The following SYT10 variants were observed in gnomAD, a reference collection of about 807,000 sequenced individuals.
SYT10 encodes synaptotagmin-10.
A neutral mutation model predicts 51.1 loss-of-function variants in SYT10; 31 were observed. The observed-to-expected ratio is 0.61, with a 90% confidence interval of 0.46 to 0.82. The LOEUF (loss-of-function observed/expected upper bound fraction) is 0.82, where lower values mean the gene tolerates loss of function less well. Among genes scored for constraint, SYT10 ranks in the 40% least tolerant of loss-of-function variants. SYT10 has a pLI of 0.00. For missense variants in SYT10, 603 were observed against 634.0 expected (o/e 0.95, Z 0.53); for synonymous variants, 233 against 225.9 (o/e 1.03, Z -0.28).
At chr12:33,403,318 C>T (rs961795905) in intron 3 of SYT10, among the ~76,000 whole-genome samples, 4 of 151,398 alleles carry the variant, frequency 2.6e-5, no homozygotes, top group Non-Finnish European at 5.9e-5. Flanking sequence ...CTGTAGCCTC[C>T]ACCTCCTAGT....
rs765649332 is a variant in SYT10 at position 33,407,299 on chromosome 12, A to G, written c.567T>C (p.Phe189=). Reference sequence around the variant, plus strand: ...GTAAAACAGGTTCTGTGCCCATGCTAAAATCAACACTGGAAACCTGCATTT... The same window carrying G: ...GTAAAACAGGTTCTGTGCCCATGCTGAAATCAACACTGGAAACCTGCATTT... The part of the protein sequence containing the change: ...PRQMQVSSVD[F]SMGTEPVLQR... The change falls in exon 3 of 7, where the codon TTT becomes TTC. Residue 189 remains phenylalanine, a synonymous_variant. Transcript: ENST00000228567. 55 of 1,611,526 alleles carry G rather than the reference A, an allele frequency of 3.4e-5. No individual in the cohort carries two copies. In the South Asian group the frequency reaches 4.4e-4, roughly 13 times the overall value.
rs1239167546 is a variant in SYT10, at chr12:33,430,031, T to C, written c.152-3536A>G. ...ACTGTCTCCGGATAATTAAAAAGAA[T>C]CCATTACATAGCATTCATCCTATCA... On this transcript the variant is annotated intron_variant, in intron 1 of 6. Transcript: ENST00000228567. Among the ~76,000 whole-genome samples the C allele has an allele frequency of 4.6e-5, 7 of 152,276 alleles. No homozygotes were observed. In the East Asian group the frequency reaches 9.7e-4, roughly 21 times the overall value.
chr12:33,420,496 A>T (rs1205701561), intron 2 of SYT10, among the ~76,000 whole-genome samples: 3 of 152,138 alleles, frequency 2.0e-5, no homozygotes, highest in South Asian at 2.1e-4. Context: ...AAAAAAATAA[A>T]AAATAATTAG....
At chr12:33,386,207 G>A (rs1168988261) in intron 3 of SYT10, among the ~76,000 whole-genome samples, 1 of 151,910 alleles carries the variant, frequency 6.6e-6, no homozygotes, top group African/African-American at 2.4e-5. Context: ...TTTTAGTTTC[G>A]ACTGTTGGCC....
At chr12:33,393,402 T>C (rs1242521932) in intron 3 of SYT10, among the ~76,000 whole-genome samples, 1 of 152,216 alleles carries the variant, frequency 6.6e-6, no homozygotes, top group Non-Finnish European at 1.5e-5. Context: ...ACCTGTGTAA[T>C]AAACTATATA....
chr12:33,406,948 A>G lies in SYT10; in HGVS notation c.918T>C (p.Tyr306=), dbSNP rs1429541511. The G allele has an allele frequency of 1.2e-6, 2 of 1,614,132 alleles. No individual in the cohort carries two copies. Among genetic ancestry groups the G allele is most frequent in the Non-Finnish European group, 1.7e-6 (2 of 1,180,016 alleles). Residue 306 remains tyrosine (Y), a synonymous_variant, in exon 3 of 7, where the codon TAT becomes TAC. Coordinates refer to ENST00000228567, the MANE Select transcript of SYT10 (RefSeq NM_198992.4). ...GTAGTTTTCGGTTGCTTAGTTGATC[A>G]TATGCTACAGGAAATTGAAAAGTTT... The part of the protein sequence containing the change: ...FDETFQFPVA[Y]DQLSNRKLHF...
chr12:33,439,652 T>C lies in SYT10; in HGVS notation c.-130A>G. 1 of 1,186,234 alleles carries C rather than the reference T, an allele frequency of 8.4e-7. No individual in the cohort carries two copies. The highest frequency in any genetic ancestry group is 1.2e-6 in the Non-Finnish European group (1 of 856,186). 73.5% of individuals were successfully genotyped at this position (1,186,234 alleles called of 1,614,324 possible). A position where few individuals can be genotyped will look rare whatever the true frequency, so the allele number is the denominator to read the frequency against. ...TGACTTTGGCTGGAGATTGCGCCGC[T>C]GAGAGCCGGCAACTCTTAGGAGCCC... On this transcript the variant is annotated 5_prime_UTR_variant, in exon 1 of 7. Coordinates refer to ENST00000228567, the MANE Select transcript of SYT10 (RefSeq NM_198992.4).
intron 4 of SYT10, among the ~76,000 whole-genome samples, chr12:33,382,910 T>A (rs1427752528): frequency 2.0e-5 from 3 of 152,212 alleles, no homozygotes; most frequent in Non-Finnish European, 4.4e-5. Context: ...ACAAGTGATT[T>A]ATTGCATGCA....
intron 3 of SYT10, among the ~76,000 whole-genome samples, chr12:33,391,701 C>G (rs1352993460): frequency 6.6e-6 from 1 of 152,166 alleles, no homozygotes; most frequent in East Asian, 1.9e-4. Flanking sequence ...CAATATATGT[C>G]AGAGTGCAGT....
intron 1 of SYT10, chr12:33,432,563 C>T (rs1176917703): frequency 6.6e-6 from 1 of 152,026 alleles, no homozygotes; most frequent in African/African-American, 2.4e-5. Context: ...ACATTAACAG[C>T]TTATATTGTA....
intron 3 of SYT10, among the ~76,000 whole-genome samples, chr12:33,398,938 T>C (rs774418363): frequency 1.3e-5 from 2 of 152,156 alleles, no homozygotes; most frequent in Non-Finnish European, 2.9e-5. Flanking sequence ...TATAAAGAAA[T>C]GTGGGTTTGT....
chr12:33,412,177 C>G (rs1459124043), intron 2 of SYT10, among the ~76,000 whole-genome samples: 23 of 151,920 alleles, frequency 1.5e-4, no homozygotes, highest in Admixed American at 1.5e-3. Context: ...ATCCTCTGTG[C>G]CAAAATTAGT....
At chr12:33,389,620 T>C (rs1866187131) in intron 3 of SYT10, among the ~76,000 whole-genome samples, 1 of 152,020 alleles carries the variant, frequency 6.6e-6, no homozygotes, top group Non-Finnish European at 1.5e-5. Context: ...TATTAGGAAG[T>C]AAGAATCATT....
At chr12:33,418,225 T>C (rs1183566384) in intron 2 of SYT10, among the ~76,000 whole-genome samples, 1 of 152,144 alleles carries the variant, frequency 6.6e-6, no homozygotes, top group Non-Finnish European at 1.5e-5. Flanking sequence ...TACTCTCTCC[T>C]GGGAGCTTAC....
Position 33,376,726 on chromosome 12 carries a change from G to T in SYT10, c.*104C>A. 7.6e-7 allele frequency: 1 copy of T among 1,311,924 alleles called. No individual in the cohort carries two copies. Among genetic ancestry groups the T allele is most frequent in the Non-Finnish European group, 1.1e-6 (1 of 926,536 alleles). The allele number at this position is 1,311,924 out of a possible 1,614,324, so 81.3% of individuals were successfully genotyped here. A position where few individuals can be genotyped will look rare whatever the true frequency, so the allele number is the denominator to read the frequency against. On this transcript the variant is annotated 3_prime_UTR_variant, in exon 7 of 7. Coordinates refer to ENST00000228567, the MANE Select transcript of SYT10 (RefSeq NM_198992.4). ...AAGTGCACATCAAGTTTGTTCATTA[G>T]TACGGATATATTTCAAATGAGGAAA... is the stretch of plus-strand genomic sequence containing the variant.
intron 6 of SYT10, among the ~76,000 whole-genome samples, chr12:33,379,388 A>C (rs963930485): frequency 2.6e-5 from 4 of 152,006 alleles, no homozygotes; most frequent in Non-Finnish European, 5.9e-5. Context: ...CCTTACGCAG[A>C]AAAGTTATAT....
chr12:33,435,682 C>T (rs1322764946), intron 1 of SYT10, among the ~76,000 whole-genome samples: 1 of 152,116 alleles, frequency 6.6e-6, no homozygotes, highest in Non-Finnish European at 1.5e-5. Context: ...AATGATAACT[C>T]AATTAATTGG....
chr12:33,409,288 C>A (rs1371733299), intron 2 of SYT10, among the ~76,000 whole-genome samples: 1 of 151,894 alleles, frequency 6.6e-6, no homozygotes. Flanking sequence ...ACAATCTTGG[C>A]TTACTGCAAC....
At chr12:33,387,255 T>C (rs891850027) in intron 3 of SYT10, among the ~76,000 whole-genome samples, 1 of 152,216 alleles carries the variant, frequency 6.6e-6, no homozygotes, top group Non-Finnish European at 1.5e-5. Context: ...AAAAAACTAA[T>C]TAAATTTGTG....
Sources: allele counts gnomAD v4.1 joint callset (sites outside exome capture counted in the v4.1 genomes callset), GRCh38; gene constraint gnomAD v4.1.1; transcripts MANE v1.5; gene names NCBI Gene and HGNC (gene_info 2026-07-23, HGNC 2026-07-21).